Variants in PAPPA2 observed in about 807,000 individuals in gnomAD.
PAPPA2 encodes the protein pappalysin-2.
Under a neutral mutation model 176.4 loss-of-function variants are expected in PAPPA2, and 86 were observed. The observed-to-expected ratio is 0.49, with a 90% CI of 0.41 to 0.58. The LOEUF is 0.58. PAPPA2 is among the 20% of genes least tolerant of loss of function. PAPPA2 has a pLI of 0.00. For synonymous variants in PAPPA2, 809 were observed against 852.2 expected (o/e 0.95, Z 0.88); for missense variants, 2,073 against 2,256.9 (o/e 0.92, Z 1.65).
In PAPPA2 at chr1:176,493,899, C is replaced by A. The variant is rs116079811; in HGVS notation, c.-917+30481C>A. ...AATAGCTGGTTAAAGGAAGCAGAAA[C>A]ATCTTAGTTAGAGAATTTTTTTGGA... On this transcript the variant is annotated intron_variant, in intron 1 of 22. Transcript: ENST00000367662. Among the ~76,000 whole-genome samples the A allele has an allele frequency of 4.1e-3, 618 of 152,288 alleles. 3 individuals are homozygous for A. Among genetic ancestry groups the A allele is most frequent in the African/African-American group, 0.014 (577 of 41,554 alleles).
At chr1:176,608,090 A>G (rs1421380920) in intron 3 of PAPPA2, among the ~76,000 whole-genome samples, 11 of 152,218 alleles carry the variant, frequency 7.2e-5, no homozygotes, top group Admixed American at 1.3e-4. Flanking sequence ...TCAAGATATC[A>G]TCATTGAAGG....
intron 21 of PAPPA2, among the ~76,000 whole-genome samples, chr1:176,816,835 T>C (rs898960321): frequency 6.6e-6 from 1 of 152,158 alleles, no homozygotes; most frequent in Non-Finnish European, 1.5e-5. Context: ...AAGATGTCTC[T>C]TACTTTGCTG....
At chr1:176,615,076 C>G (rs1000786371) in intron 3 of PAPPA2, among the ~76,000 whole-genome samples, 11 of 152,110 alleles carry the variant, frequency 7.2e-5, no homozygotes, top group African/African-American at 2.7e-4. Context: ...AATAACAAAG[C>G]ATTTCTACCT....
chr1:176,655,015 G>A (rs1232610927), intron 3 of PAPPA2, among the ~76,000 whole-genome samples: 2 of 151,754 alleles, frequency 1.3e-5, no homozygotes, highest in African/African-American at 4.8e-5. Flanking sequence ...TCATTAGTAA[G>A]CAGAGATAAT....
chr1:176,465,878 C>A (rs752035953), intron 1 of PAPPA2, among the ~76,000 whole-genome samples: 1 of 151,992 alleles, frequency 6.6e-6, no homozygotes, highest in Non-Finnish European at 1.5e-5. Context: ...CTTCCTTTTG[C>A]GAGAACATGT....
intron 2 of PAPPA2, among the ~76,000 whole-genome samples, chr1:176,587,869 A>G (rs574065691): frequency 6.6e-4 from 100 of 152,254 alleles, no homozygotes; most frequent in East Asian, 1.3e-3. Flanking sequence ...CGTTGTGCAC[A>G]TGTACCCTAG....
intron 1 of PAPPA2, among the ~76,000 whole-genome samples, chr1:176,481,252 GCACACACACA>G (rs56206580): frequency 9.5e-4 from 133 of 140,312 alleles, no homozygotes; most frequent in South Asian, 8.2e-3. Context: ...AGATTTTAAA[GCACACACACA>G]CACACACACA....
In PAPPA2 at chr1:176,639,958, G is replaced by A. The variant is rs574077122; in HGVS notation, c.1992-31012G>A. Among the ~76,000 whole-genome samples, 15 of 150,896 alleles carry A rather than the reference G, an allele frequency of 9.9e-5. No individual in the cohort carries two copies. In the South Asian group the frequency reaches 2.1e-3, roughly 21 times the overall value. On this transcript the variant is annotated intron_variant, in intron 3 of 22. Coordinates refer to ENST00000367662, the MANE Select transcript of PAPPA2 (RefSeq NM_020318.3). ...ACATTATGTTCATTTTTATATGATC[G>A]TGATTATTTTTCTAATCATGAAACT...
intron 3 of PAPPA2, among the ~76,000 whole-genome samples, chr1:176,596,461 CT>C (rs1324721763): frequency 3.3e-5 from 5 of 152,210 alleles, no homozygotes; most frequent in African/African-American, 1.2e-4. Context: ...GGTGGGCTCT[CT>C]CTTGTCATTC....
intron 21 of PAPPA2, among the ~76,000 whole-genome samples, chr1:176,813,309 A>G (rs529910071): frequency 1.3e-5 from 2 of 152,296 alleles, no homozygotes; most frequent in African/African-American, 4.8e-5. Flanking sequence ...ATACCCAGTA[A>G]TGGGATTATT....
intron 3 of PAPPA2, among the ~76,000 whole-genome samples, chr1:176,663,222 T>C (rs1573214013): frequency 6.6e-6 from 1 of 152,190 alleles, no homozygotes; most frequent in East Asian, 1.9e-4. Context: ...TTCATTTCTA[T>C]TTTATTGTTA....
At chr1:176,672,072 TA>T (rs558840504) in intron 4 of PAPPA2, among the ~76,000 whole-genome samples, 194 of 149,636 alleles carry the variant, frequency 1.3e-3, no homozygotes, top group African/African-American at 4.6e-3. Flanking sequence ...AATAATAAAA[TA>T]AAAAAATAAA....
rs150386195 is a variant in PAPPA2, at chr1:176,676,682, CTG to C, written c.2137+5570_2137+5571del. ...GTGATAGAACAGTTCAGTATCTTGACTGTGGTGGTGATTACACAAATGTATAT... is the reference window on the plus strand; with the variant it reads ...GTGATAGAACAGTTCAGTATCTTGACTGGTGGTGATTACACAAATGTATAT... On this transcript the variant is annotated intron_variant, in intron 4 of 22. Transcript: ENST00000367662. Among the ~76,000 whole-genome samples, 998 of 152,050 alleles carry C rather than the reference CTG, an allele frequency of 6.6e-3. 18 individuals are homozygous for C. The highest frequency in any genetic ancestry group is 0.023 in the African/African-American group (955 of 41,512).
chr1:176,565,819 G>A (rs1651941053), intron 2 of PAPPA2, among the ~76,000 whole-genome samples: 3 of 152,182 alleles, frequency 2.0e-5, no homozygotes, highest in African/African-American at 4.8e-5. Flanking sequence ...AGAGACATCT[G>A]GGCTCTGATG....
At chr1:176,711,477 T>C (rs1661138079) in intron 11 of PAPPA2, among the ~76,000 whole-genome samples, 1 of 152,194 alleles carries the variant, frequency 6.6e-6, no homozygotes, top group Non-Finnish European at 1.5e-5. Context: ...GCCTCACTTT[T>C]GGGGCCAGTG....
intron 21 of PAPPA2, among the ~76,000 whole-genome samples, chr1:176,829,080 T>C (rs2102982106): frequency 6.6e-6 from 1 of 152,268 alleles, no homozygotes; most frequent in Admixed American, 6.5e-5. Context: ...GATTAAAGTT[T>C]ACCCCAAAGT....
chr1:176,556,232 C>A lies in PAPPA2; in HGVS notation c.-91C>A. On this transcript the variant is annotated 5_prime_UTR_variant, in exon 2 of 23. Coordinates refer to ENST00000367662, the MANE Select transcript of PAPPA2 (RefSeq NM_020318.3). Reference sequence around the variant, plus strand: ...ACAGTTTCCCTGGTGACTGCAAATCCATTGCTAGCTGCCTCTTTCTCGTCT... The same window carrying A: ...ACAGTTTCCCTGGTGACTGCAAATCAATTGCTAGCTGCCTCTTTCTCGTCT... The A allele has an allele frequency of 7.1e-7, 1 of 1,401,352 alleles. No individual in the cohort carries two copies. The allele number at this position is 1,401,352 out of a possible 1,614,324, so 86.8% of individuals were successfully genotyped here. A position where few individuals can be genotyped will look rare whatever the true frequency, so the allele number is the denominator to read the frequency against.
intron 10 of PAPPA2, among the ~76,000 whole-genome samples, chr1:176,708,591 T>G (rs1660992474): frequency 6.7e-6 from 1 of 149,202 alleles, no homozygotes; most frequent in Non-Finnish European, 1.5e-5. Flanking sequence ...CAAAAGCACA[T>G]ACATTGGCTT....
chr1:176,639,684 G>C (rs1235380632), intron 3 of PAPPA2, among the ~76,000 whole-genome samples: 1 of 151,260 alleles, frequency 6.6e-6, no homozygotes, highest in Non-Finnish European at 1.5e-5. Flanking sequence ...TAATAAAAGT[G>C]GCCAGTGGCC....
Sources: allele counts gnomAD v4.1 joint callset (sites outside exome capture counted in the v4.1 genomes callset), GRCh38; gene constraint gnomAD v4.1.1; transcripts MANE v1.5; gene names NCBI Gene and HGNC (gene_info 2026-07-23, HGNC 2026-07-21).